The following MYO10 variants were observed in gnomAD, a reference collection of about 807,000 sequenced individuals.
The protein encoded by MYO10 is myosin X.
MYO10 carries 133 observed loss-of-function variants against 257.3 expected under a neutral mutation model. The ratio of observed to expected loss-of-function variants is 0.52; its 90% CI spans 0.45 to 0.60. The LOEUF is 0.60. Ranked by LOEUF, MYO10 falls within the 20% of genes least tolerant of loss-of-function variation. MYO10 has a pLI of 0.00. For missense variants in MYO10, 2,399 were observed against 2,635.7 expected, an observed-to-expected ratio of 0.91 and a Z score of 1.97; for synonymous variants, 1,104 against 1,028.6, an observed-to-expected ratio of 1.07 and a Z score of -1.40.
At position 16,936,282 on chromosome 5, in the gene MYO10, C is replaced by T; in HGVS notation, c.-474G>A. The T allele has an allele frequency of 6.5e-6, 1 of 153,354 alleles. No homozygotes were observed. Among genetic ancestry groups the T allele is most frequent in the South Asian group, 1.9e-4 (1 of 5,296 alleles). The allele number at this position is 153,354 out of a possible 1,614,324, so 9.5% of individuals were successfully genotyped here. On this transcript the variant is annotated 5_prime_UTR_variant, in exon 1 of 41. Coordinates refer to ENST00000513610, the MANE Select transcript of MYO10 (RefSeq NM_012334.3). ...CCGCGGCTCAGCCAGCTCTCGCCCG[C>T]GGGACTACAGCCCAGCGACCTCGCC...
At chr5:16,842,169 T>C (rs982963840) in intron 2 of MYO10, among the ~76,000 whole-genome samples, 1 of 152,216 alleles carries the variant, frequency 6.6e-6, no homozygotes, top group African/African-American at 2.4e-5. Flanking sequence ...CCCCCAGACC[T>C]ATCGCAGTTT....
intron 19 of MYO10, among the ~76,000 whole-genome samples, chr5:16,718,059 C>T (rs1738957180): frequency 6.6e-6 from 1 of 152,166 alleles, no homozygotes; most frequent in Non-Finnish European, 1.5e-5. Context: ...GCCAGCCAGC[C>T]CTGCTGGCCC....
Position 16,697,819 on chromosome 5 carries a change from A to G in MYO10, c.3556+1631T>C, listed in dbSNP as rs565092350. Among the ~76,000 whole-genome samples the G allele has an allele frequency of 2.0e-5, 3 of 152,268 alleles. No homozygotes were observed. In the South Asian group the frequency reaches 6.2e-4, roughly 32 times the overall value. The stretch of plus-strand genomic sequence containing the variant: ...GGAAGAAGACAAATTTAAAAATCAA[A>G]TATGGGAGAAAGCAGGAAGAGGAGA... On this transcript the variant is annotated intron_variant, in intron 26 of 40. Transcript: ENST00000513610.
chr5:16,816,153 C>A (rs1742600457), intron 3 of MYO10, among the ~76,000 whole-genome samples: 1 of 151,530 alleles, frequency 6.6e-6, no homozygotes, highest in Admixed American at 6.6e-5. Context: ...CCATCCTGAC[C>A]AACATGGTGA....
intron 1 of MYO10, among the ~76,000 whole-genome samples, chr5:16,934,511 CCTTT>C (rs1746380027): frequency 6.6e-6 from 1 of 152,214 alleles, no homozygotes; most frequent in Non-Finnish European, 1.5e-5. Context: ...AGTTCTGGTG[CCTTT>C]CGACAAGCAT....
At chr5:16,868,332 C>T (rs1177547241) in intron 2 of MYO10, among the ~76,000 whole-genome samples, 3 of 152,172 alleles carry the variant, frequency 2.0e-5, no homozygotes, top group Admixed American at 6.5e-5. Flanking sequence ...CAGCTGGGCA[C>T]GGTGGCTCAT....
At chr5:16,915,028 A>G (rs2126795256) in intron 1 of MYO10, among the ~76,000 whole-genome samples, 1 of 152,350 alleles carries the variant, frequency 6.6e-6, no homozygotes, top group East Asian at 1.9e-4. Context: ...GGATTCATGA[A>G]CAAGCTCTTC....
At position 16,831,303 on chromosome 5, in the gene MYO10, C is replaced by T. The variant is rs146538762; in HGVS notation, c.121-13136G>A. Among the ~76,000 whole-genome samples the T allele has an allele frequency of 3.1e-3, 477 of 152,244 alleles. 3 individuals carry two copies. The highest frequency in any genetic ancestry group is 4.1e-3 in the Non-Finnish European group (281 of 68,022). Reference sequence around the variant, plus strand: ...AAACAAGTACAACCACCATGGAAAACGGTGTGGAGATTCCTTAAAGAACTA... The same window carrying T: ...AAACAAGTACAACCACCATGGAAAATGGTGTGGAGATTCCTTAAAGAACTA... On this transcript the variant is annotated intron_variant, in intron 2 of 40. Coordinates refer to ENST00000513610, the MANE Select transcript of MYO10 (RefSeq NM_012334.3).
rs969462659 is a variant in MYO10 at position 16,740,878 on chromosome 5, T to C, written c.1929+13950A>G. On this transcript the variant is annotated intron_variant, in intron 19 of 40. Transcript: ENST00000513610. ...GTGTCAGATTAATTACTCTCTAAAA[T>C]TGATGGCAAAAAAAAAAAAACCCAA... 7.3e-5 allele frequency among the ~76,000 whole-genome samples: 11 copies of C among 150,694 alleles called. No individual in the cohort carries two copies. The South Asian group carries it at 1.2e-3, about 17-fold the overall frequency.
chr5:16,905,285 C>A (rs1745489459), intron 1 of MYO10, among the ~76,000 whole-genome samples: 1 of 152,198 alleles, frequency 6.6e-6, no homozygotes, highest in Admixed American at 6.5e-5. Context: ...CTTGTCTGGG[C>A]TCATTCAGCA....
At chr5:16,935,151 T>A (rs967544306) in intron 1 of MYO10, among the ~76,000 whole-genome samples, 3 of 152,152 alleles carry the variant, frequency 2.0e-5, no homozygotes, top group Non-Finnish European at 4.4e-5. Flanking sequence ...CTGTTTGCCC[T>A]AAACGAATTT....
At chr5:16,808,201 G>A (rs1380109525) in intron 3 of MYO10, among the ~76,000 whole-genome samples, 1 of 152,210 alleles carries the variant, frequency 6.6e-6, no homozygotes, top group East Asian at 1.9e-4. Context: ...AGTGACTCAT[G>A]CCTGTAATCC....
At chr5:16,831,761 T>C (rs973431769) in intron 2 of MYO10, among the ~76,000 whole-genome samples, 12 of 152,034 alleles carry the variant, frequency 7.9e-5, no homozygotes, top group African/African-American at 2.4e-4. Flanking sequence ...AGACTACAAA[T>C]TGGGTGCAGT....
Position 16,839,731 on chromosome 5 carries a change from ACT to A in MYO10, c.121-21566_121-21565del, listed in dbSNP as rs1346312719. On this transcript the variant is annotated intron_variant, in intron 2 of 40. Coordinates refer to ENST00000513610, the MANE Select transcript of MYO10 (RefSeq NM_012334.3). The stretch of plus-strand genomic sequence containing the variant: ...ACTCCCACCTGGGTGACAGAGTGAA[ACT>A]CTGTCTCAAAAAAAATAAATTAATT... 4.6e-5 allele frequency among the ~76,000 whole-genome samples: 7 copies of A among 152,032 alleles called. No individual in the cohort carries two copies. In the South Asian group the frequency reaches 1.0e-3, roughly 23 times the overall value.
At chr5:16,727,730 T>C (rs1739426383) in intron 19 of MYO10, among the ~76,000 whole-genome samples, 1 of 152,194 alleles carries the variant, frequency 6.6e-6, no homozygotes, top group Non-Finnish European at 1.5e-5. Flanking sequence ...TTGATTTTTG[T>C]TTTTTAAAAC....
chr5:16,841,384 C>T (rs1343003686), intron 2 of MYO10, among the ~76,000 whole-genome samples: 1 of 152,146 alleles, frequency 6.6e-6, no homozygotes, highest in Non-Finnish European at 1.5e-5. Context: ...TTACTAACAA[C>T]ACAAACAACT....
At chr5:16,831,819 T>C (rs1743170890) in intron 2 of MYO10, among the ~76,000 whole-genome samples, 1 of 152,180 alleles carries the variant, frequency 6.6e-6, no homozygotes, top group Non-Finnish European at 1.5e-5. Context: ...TAATCACCAC[T>C]AAAGAACTTA....
chr5:16,786,909 C>A (rs959655814), intron 4 of MYO10, among the ~76,000 whole-genome samples: 12 of 152,150 alleles, frequency 7.9e-5, no homozygotes, highest in African/African-American at 2.9e-4. Context: ...TAGCTCACAT[C>A]TGTAATCCTA....
At chr5:16,921,385 C>A (rs249123) in intron 1 of MYO10, among the ~76,000 whole-genome samples, 48,944 of 151,734 alleles carry the variant, frequency 0.32, 8,076 homozygotes, top group East Asian at 0.49. Context: ...GAACGGGGAC[C>A]AATGAAAGCC....
Sources: gnomAD v4.1 joint callset for allele counts (sites outside exome capture counted in the v4.1 genomes callset) on GRCh38, gnomAD v4.1.1 for gene constraint, MANE v1.5 for transcripts, NCBI Gene and HGNC (gene_info 2026-07-23, HGNC 2026-07-21) for gene names.